Variants in ATRNL1 observed in about 807,000 individuals in gnomAD.
ATRNL1 encodes the protein attractin-like protein 1.
ATRNL1 carries 95 observed loss-of-function variants against 182.7 expected under a neutral mutation model. That is an observed-to-expected ratio of 0.52 (90% CI 0.44 to 0.62). The LOEUF (loss-of-function observed/expected upper bound fraction) is 0.62, where lower values mean the gene tolerates loss of function less well. Among genes scored for constraint, ATRNL1 ranks in the 20% least tolerant of loss-of-function variants. The probability of loss-of-function intolerance (pLI) is 0.00; values close to 1 mark genes in which losing one functional copy is unlikely to be tolerated. For synonymous variants in ATRNL1, 576 were observed against 568.3 expected, an observed-to-expected ratio of 1.01 and a Z score of -0.19; for missense variants, 1,471 against 1,679.5, an observed-to-expected ratio of 0.88 and a Z score of 2.17.
chr10:115,908,375 C>T (rs933389083), intron 28 of ATRNL1, among the ~76,000 whole-genome samples: 3 of 152,092 alleles, frequency 2.0e-5, no homozygotes, highest in South Asian at 2.1e-4. Context: ...TCCAGCTTTT[C>T]GAGGCTGCCT....
chr10:115,936,115 T>C (rs1953549073), intron 28 of ATRNL1, among the ~76,000 whole-genome samples: 1 of 152,242 alleles, frequency 6.6e-6, no homozygotes, highest in South Asian at 2.1e-4. Context: ...CATGAATGAA[T>C]GCTTTTGCAG....
chr10:115,131,499 C>T (rs1374158765), intron 5 of ATRNL1, among the ~76,000 whole-genome samples: 1 of 152,124 alleles, frequency 6.6e-6, no homozygotes, highest in East Asian at 1.9e-4. Context: ...GGAAGCATAG[C>T]TCCAAAGAAG....
At chr10:115,457,756 G>A (rs1381039556) in intron 21 of ATRNL1, among the ~76,000 whole-genome samples, 1 of 151,890 alleles carries the variant, frequency 6.6e-6, no homozygotes, top group East Asian at 1.9e-4. Flanking sequence ...TGCATGTTGT[G>A]TATATTCAGT....
chr10:115,701,373 TATCTA>T (rs1946731595), intron 26 of ATRNL1, among the ~76,000 whole-genome samples: 1 of 151,896 alleles, frequency 6.6e-6, no homozygotes, highest in South Asian at 2.1e-4. Flanking sequence ...TCAATTTAAT[TATCTA>T]ACATCACAGC....
intron 26 of ATRNL1, among the ~76,000 whole-genome samples, chr10:115,688,821 C>T (rs1484024166): frequency 6.6e-6 from 1 of 152,086 alleles, no homozygotes; most frequent in Non-Finnish European, 1.5e-5. Flanking sequence ...TTAGTATTAT[C>T]CCCCCTTTTT....
chr10:115,662,183 G>A (rs2133907049), intron 26 of ATRNL1, among the ~76,000 whole-genome samples: 1 of 151,864 alleles, frequency 6.6e-6, no homozygotes, highest in Admixed American at 6.6e-5. Context: ...TATCATTGTT[G>A]GACATTTGGC....
At chr10:115,420,425 G>A (rs1445542497) in intron 20 of ATRNL1, among the ~76,000 whole-genome samples, 1 of 151,958 alleles carries the variant, frequency 6.6e-6, no homozygotes, top group Non-Finnish European at 1.5e-5. Flanking sequence ...ATAACAGGAG[G>A]AACTTTGGAA....
chr10:115,905,925 A>C (rs1952489219), intron 28 of ATRNL1, among the ~76,000 whole-genome samples: 2 of 152,236 alleles, frequency 1.3e-5, no homozygotes, highest in Admixed American at 1.3e-4. Context: ...ATATCAGCTT[A>C]GTTGAAGAAT....
chr10:115,521,754 T>G (rs1554985261), intron 25 of ATRNL1, among the ~76,000 whole-genome samples: 2 of 152,198 alleles, frequency 1.3e-5, no homozygotes, highest in South Asian at 4.1e-4. Flanking sequence ...ATGGGTTTTT[T>G]GTCATTTAAA....
chr10:115,193,330 T>A (rs2144248870), intron 8 of ATRNL1, among the ~76,000 whole-genome samples: 1 of 152,146 alleles, frequency 6.6e-6, no homozygotes, highest in Non-Finnish European at 1.5e-5. Flanking sequence ...GATTTTTCTC[T>A]TCATTCTGTT....
chr10:115,109,006 G>A (rs10885652), intron 1 of ATRNL1, among the ~76,000 whole-genome samples: 3,778 of 152,048 alleles, frequency 0.025, 157 homozygotes, highest in African/African-American at 0.086. Context: ...TCTCCTCAGA[G>A]TTCCCTTTAC....
At chr10:115,109,528 T>A (rs1554867258) in intron 1 of ATRNL1, among the ~76,000 whole-genome samples, 1 of 152,202 alleles carries the variant, frequency 6.6e-6, no homozygotes, top group African/African-American at 2.4e-5. Flanking sequence ...AATCCATTCA[T>A]GAGGGCTATG....
intron 25 of ATRNL1, among the ~76,000 whole-genome samples, chr10:115,530,045 T>A (rs991340412): frequency 2.0e-4 from 30 of 152,212 alleles, no homozygotes; most frequent in African/African-American, 7.2e-4. Flanking sequence ...CGTAACGTAG[T>A]ATGGATCAGT....
intron 19 of ATRNL1, among the ~76,000 whole-genome samples, chr10:115,381,520 G>A (rs965228292): frequency 8.1e-5 from 12 of 148,502 alleles, no homozygotes; most frequent in East Asian, 3.9e-4. Flanking sequence ...TGATCCGCCC[G>A]TCTCGGCCTT....
intron 20 of ATRNL1, among the ~76,000 whole-genome samples, chr10:115,417,635 C>T (rs1243771508): frequency 6.6e-6 from 1 of 152,192 alleles, no homozygotes; most frequent in Non-Finnish European, 1.5e-5. Context: ...GCCCCTCCTG[C>T]TGCAGTTGGT....
chr10:115,139,807 T>C (rs1355510157), intron 5 of ATRNL1, among the ~76,000 whole-genome samples: 1 of 152,234 alleles, frequency 6.6e-6, no homozygotes, highest in Non-Finnish European at 1.5e-5. Context: ...CATTCATCTC[T>C]AGAATGTTCA....
chr10:115,121,148 T>G (rs2143628142), intron 2 of ATRNL1, among the ~76,000 whole-genome samples: 1 of 152,234 alleles, frequency 6.6e-6, no homozygotes, highest in East Asian at 1.9e-4. Context: ...AGCCTCACTC[T>G]GTTACCCAGG....
chr10:115,683,445 G>C (rs1946113790), intron 26 of ATRNL1, among the ~76,000 whole-genome samples: 1 of 149,944 alleles, frequency 6.7e-6, no homozygotes, highest in South Asian at 2.1e-4. Context: ...TCTATACCTA[G>C]AGAGTTTTTC....
At chr10:115,566,750 G>A (rs1344224142) in intron 26 of ATRNL1, among the ~76,000 whole-genome samples, 2 of 151,986 alleles carry the variant, frequency 1.3e-5, no homozygotes, top group African/African-American at 4.8e-5. Flanking sequence ...TAGAAATAAT[G>A]CAATTATGAC....
Sources: allele counts gnomAD v4.1 joint callset (sites outside exome capture counted in the v4.1 genomes callset), GRCh38; gene constraint gnomAD v4.1.1; transcripts MANE v1.5; gene names NCBI Gene and HGNC (gene_info 2026-07-23, HGNC 2026-07-21).